The following POU2F3 variants were observed in gnomAD, a reference collection of about 807,000 sequenced individuals.
POU2F3 encodes the protein POU class 2 homeobox 3, also known as POU domain, class 2, transcription factor 3.
POU2F3 carries 23 observed loss-of-function variants against 59.2 expected under a neutral mutation model. The observed-to-expected ratio is 0.39, with a 90% CI of 0.28 to 0.55. The LOEUF is 0.55. POU2F3 is among the 20% of genes least tolerant of loss of function. The pLI is 0.66. For missense variants in POU2F3, 473 were observed against 544.5 expected (o/e 0.87, Z 1.31); for synonymous variants, 190 against 214.6 (o/e 0.89, Z 1.00).
upstream of POU2F3, among the ~76,000 whole-genome samples, chr11:120,240,008 C>T (rs1213725254): frequency 6.6e-6 from 1 of 152,160 alleles, no homozygotes; most frequent in Non-Finnish European, 1.5e-5. Context: ...GGCAGCACCC[C>T]CGGCCCCCTC....
intron 9 of POU2F3, among the ~76,000 whole-genome samples, chr11:120,307,984 A>G (rs1941546877): frequency 6.6e-6 from 1 of 152,158 alleles, no homozygotes; most frequent in Non-Finnish European, 1.5e-5. Context: ...TCTATTTTCT[A>G]TGCAGTACAT....
At chr11:120,299,770 T>C in intron 5 of POU2F3, 44 bp downstream of exon 5, 1 of 1,506,956 alleles carries the variant, frequency 6.6e-7, no homozygotes. Context: ...TCCAGTCAAG[T>C]GCTGCTGTTG....
At chr11:120,270,306 A>G (rs999930782) in intron 3 of POU2F3, among the ~76,000 whole-genome samples, 1 of 152,086 alleles carries the variant, frequency 6.6e-6, no homozygotes. Context: ...TGGAATGTCT[A>G]TAGAGAGAGG....
chr11:120,278,712 A>G (rs936927931), intron 3 of POU2F3, among the ~76,000 whole-genome samples: 1 of 152,202 alleles, frequency 6.6e-6, no homozygotes, highest in African/African-American at 2.4e-5. Flanking sequence ...ATGTTCAGGC[A>G]GGAGATAATT....
intron 3 of POU2F3, among the ~76,000 whole-genome samples, chr11:120,294,407 G>C (rs966383120): frequency 2.0e-5 from 3 of 152,238 alleles, no homozygotes; most frequent in Non-Finnish European, 4.4e-5. Flanking sequence ...AACTGCCAAA[G>C]AGACCCTGGA....
intron 3 of POU2F3, among the ~76,000 whole-genome samples, chr11:120,273,098 C>G (rs1940149503): frequency 6.6e-6 from 1 of 152,128 alleles, no homozygotes; most frequent in Non-Finnish European, 1.5e-5. Context: ...AGAAAGTCAC[C>G]CTTGAGCTGT....
chr11:120,286,612 C>T (rs563957253), intron 3 of POU2F3, among the ~76,000 whole-genome samples: 1 of 152,232 alleles, frequency 6.6e-6, no homozygotes, highest in South Asian at 2.1e-4. Flanking sequence ...CTGTTAGTAC[C>T]GCCTATCCTA....
intron 2 of POU2F3, among the ~76,000 whole-genome samples, chr11:120,267,648 G>A (rs1473216051): frequency 1.4e-5 from 2 of 143,870 alleles, no homozygotes; most frequent in Non-Finnish European, 3.0e-5. Context: ...GGTTAAAACA[G>A]GGAATTCTCT....
At chr11:120,244,624 C>T (rs1429746968) in intron 1 of POU2F3, among the ~76,000 whole-genome samples, 2 of 152,194 alleles carry the variant, frequency 1.3e-5, no homozygotes, top group Admixed American at 1.3e-4. Flanking sequence ...GGGAGAACTT[C>T]CTGTGCACCT....
chr11:120,283,756 G>A (rs1330097959), intron 3 of POU2F3, among the ~76,000 whole-genome samples: 1 of 149,398 alleles, frequency 6.7e-6, no homozygotes, highest in Non-Finnish European at 1.5e-5. Flanking sequence ...CTCCACCTGT[G>A]TGCCTTAATA....
At chr11:120,245,042 T>C (rs1327971853) in intron 1 of POU2F3, among the ~76,000 whole-genome samples, 1 of 152,044 alleles carries the variant, frequency 6.6e-6, no homozygotes, top group Non-Finnish European at 1.5e-5. Context: ...GAGGGTTCCA[T>C]AGAGCTCTAA....
chr11:120,317,400 AG>A, intron 12 of POU2F3, 36 bp downstream of exon 12: 1 of 1,612,080 alleles, frequency 6.2e-7, no homozygotes, highest in Non-Finnish European at 8.5e-7. Flanking sequence ...ACATCCCAGC[AG>A]GGCCAAGGGA....
chr11:120,272,642 GC>G (rs1234070998), intron 3 of POU2F3, among the ~76,000 whole-genome samples: 1 of 152,214 alleles, frequency 6.6e-6, no homozygotes, highest in Non-Finnish European at 1.5e-5. Context: ...AGTTGCATGA[GC>G]AACGAATGCT....
intron 3 of POU2F3, among the ~76,000 whole-genome samples, chr11:120,282,258 A>G (rs1940600431): frequency 6.6e-6 from 1 of 152,246 alleles, no homozygotes; most frequent in Non-Finnish European, 1.5e-5. Context: ...AGGCAAACAC[A>G]GGCATGCCTC....
intron 3 of POU2F3, among the ~76,000 whole-genome samples, chr11:120,282,401 AT>A (rs1403181470): frequency 6.6e-6 from 1 of 152,256 alleles, no homozygotes; most frequent in African/African-American, 2.4e-5. Context: ...CATGCCTGTA[AT>A]CCCAGCACTT....
upstream of POU2F3, chr11:120,240,051 T>G (rs1444389025): frequency 9.4e-7 from 1 of 1,069,274 alleles, no homozygotes; most frequent in Non-Finnish European, 1.1e-6. Flanking sequence ...TGCAAATCAC[T>G]GCTTTGCATG....
intron 3 of POU2F3, among the ~76,000 whole-genome samples, chr11:120,276,560 G>A (rs563075162): frequency 3.9e-5 from 6 of 152,118 alleles, no homozygotes; most frequent in Non-Finnish European, 8.8e-5. Context: ...AGGATTTGGG[G>A]GTGGTGGGGC....
chr11:120,249,032 A>G (rs776591728), intron 2 of POU2F3, among the ~76,000 whole-genome samples: 3 of 152,184 alleles, frequency 2.0e-5, no homozygotes, highest in Non-Finnish European at 4.4e-5. Context: ...GGGGGGTAAG[A>G]ACTGGGAAAG....
At chr11:120,249,257 C>T (rs756742506) in intron 2 of POU2F3, among the ~76,000 whole-genome samples, 49 of 152,186 alleles carry the variant, frequency 3.2e-4, no homozygotes, top group Non-Finnish European at 6.9e-4. Flanking sequence ...GCTCAGAGCC[C>T]CTGTTCAGTA....
Sources: gnomAD v4.1 joint callset for allele counts (sites outside exome capture counted in the v4.1 genomes callset) on GRCh38, gnomAD v4.1.1 for gene constraint, MANE v1.5 for transcripts, NCBI Gene and HGNC (gene_info 2026-07-23, HGNC 2026-07-21) for gene names.